The following HEXB variants were observed in gnomAD, a reference collection of about 807,000 sequenced individuals.
HEXB encodes the protein hexosaminidase subunit beta.
HEXB carries 51 observed loss-of-function variants against 71.2 expected under a neutral mutation model. The observed-to-expected ratio is 0.72, with a 90% confidence interval of 0.57 to 0.90. HEXB has a LOEUF of 0.90. Among genes scored for constraint, HEXB ranks in the 40% least tolerant of loss-of-function variants. The pLI, the probability that HEXB is intolerant of heterozygous loss-of-function variation, is 0.00. For synonymous variants in HEXB, 266 were observed against 249.3 expected (o/e 1.07, Z -0.63); for missense variants, 617 against 677.0 (o/e 0.91, Z 0.98).
At chr5:74,704,301 C>A (rs1164479757) in intron 5 of HEXB, among the ~76,000 whole-genome samples, 1 of 152,088 alleles carries the variant, frequency 6.6e-6, no homozygotes, top group African/African-American at 2.4e-5. Context: ...CAGCCAAATC[C>A]CTTCAGCCTT....
intron 2 of HEXB, 151 bp from the exon 3 acceptor site, chr5:74,693,488 A>G (rs1749046034): frequency 2.9e-6 from 2 of 701,676 alleles, no homozygotes; most frequent in Admixed American, 2.0e-5. Flanking sequence ...GGACATCCAA[A>G]TGGAGATGTA....
rs756957078 is a variant in HEXB at position 74,697,057 on chromosome 5, T to C, written c.620T>C (p.Ile207Thr). 1.5e-5 allele frequency: 24 copies of C among 1,574,928 alleles called. No homozygotes were observed. Among genetic ancestry groups the C allele is most frequent in the Non-Finnish European group, 2.1e-5 (24 of 1,145,080 alleles). ...SPRFSHRGIL[I>T]DTSRHYLPVK... ...AGGTTTTCTCACAGAGGAATTTTGA[T>C]TGATACATCCAGACATTATCTGCCA... is the stretch of plus-strand genomic sequence containing the variant. Residue 207 changes from isoleucine (I) to threonine (T), a missense_variant, in exon 5 of 14, where the codon ATT (isoleucine) becomes ACT (threonine). Ile to Thr is a moderately conservative substitution (Grantham distance 89, BLOSUM62 -1). Coordinates refer to ENST00000261416, the MANE Select transcript of HEXB (RefSeq NM_000521.4).
At chr5:74,670,933 A>G (rs1358261302) in intron 1 of HEXB, among the ~76,000 whole-genome samples, 6 of 152,140 alleles carry the variant, frequency 3.9e-5, no homozygotes, top group African/African-American at 1.4e-4. Flanking sequence ...CAGGATCTGT[A>G]CCAGAATGCA....
intron 1 of HEXB, among the ~76,000 whole-genome samples, chr5:74,644,649 G>A (rs1747967287): frequency 6.6e-6 from 1 of 151,580 alleles, no homozygotes; most frequent in Non-Finnish European, 1.5e-5. Flanking sequence ...GGTCTAAATC[G>A]ATAGTTTTCT....
chr5:74,705,182 T>A, intron 5 of HEXB, 37 bp from the exon 6 acceptor site: 1 of 1,114,190 alleles, frequency 9.0e-7, no homozygotes, highest in Non-Finnish European at 1.4e-6. Context: ...GTATATGATA[T>A]CTGCAGTAAA....
intron 2 of HEXB, among the ~76,000 whole-genome samples, chr5:74,690,545 G>C (rs888352493): frequency 6.6e-6 from 1 of 151,552 alleles, no homozygotes. Context: ...CCAGCTACTC[G>C]GGAGGCTGAG....
chr5:74,661,546 T>A lies in HEXB; in HGVS notation c.-377+20988T>A, dbSNP rs1439401300. Among the ~76,000 whole-genome samples, 7 of 149,114 alleles carry A rather than the reference T, an allele frequency of 4.7e-5. No individual in the cohort carries two copies. The East Asian group carries it at 1.4e-3, about 29-fold the overall frequency. ...GTGTGTGTGTGTGTGTGTGTGTGTGTGTGTGTGTGTGTGTGTGTCTCTCTC... is the reference window on the plus strand; with the variant it reads ...GTGTGTGTGTGTGTGTGTGTGTGTGAGTGTGTGTGTGTGTGTGTCTCTCTC... On this transcript the variant is annotated intron_variant, in intron 1 of 13. Coordinates refer to the HEXB transcript ENST00000511181.
At chr5:74,702,993 C>T (rs1749299311) in intron 5 of HEXB, among the ~76,000 whole-genome samples, 1 of 152,188 alleles carries the variant, frequency 6.6e-6, no homozygotes, top group Admixed American at 6.5e-5. Flanking sequence ...GCTCTTGTCG[C>T]CCAGGCTGGA....
chr5:74,702,670 G>T (rs1749291497), intron 5 of HEXB, among the ~76,000 whole-genome samples: 1 of 152,296 alleles, frequency 6.6e-6, no homozygotes, highest in African/African-American at 2.4e-5. Flanking sequence ...TAAGTATCTT[G>T]TGGGAAGAAA....
chr5:74,700,892 G>A (rs943550603), intron 5 of HEXB, among the ~76,000 whole-genome samples: 5 of 151,976 alleles, frequency 3.3e-5, no homozygotes, highest in Non-Finnish European at 7.4e-5. Context: ...ATTTTTAGTA[G>A]AGGCAGGGTT....
At position 74,720,511 on chromosome 5, in the gene HEXB, A is replaced by G; in HGVS notation, c.1501A>G (p.Arg501Gly). Residue 501 changes from arginine to glycine, a missense_variant, in exon 12 of 14, where the codon AGA (arginine) becomes GGA (glycine). By Grantham distance (125) the Arg-to-Gly change is moderately radical. Transcript: ENST00000261416. ...TGTGGATGCAACTAACCTCACTCCA[A>G]GATTATGGTATGGGATTTACCTGAT... is the stretch of plus-strand genomic sequence containing the variant. The part of the protein sequence containing the change: ...EYVDATNLTP[R>G]LWPRASAVGE... 6.2e-7 allele frequency: 1 copy of G among 1,610,786 alleles called. No individual in the cohort carries two copies. The highest frequency in any genetic ancestry group is 1.1e-5 in the South Asian group (1 of 91,022).
chr5:74,660,750 A>G (rs1197869066), intron 1 of HEXB, among the ~76,000 whole-genome samples: 2 of 152,234 alleles, frequency 1.3e-5, no homozygotes, highest in African/African-American at 4.8e-5. Flanking sequence ...TATTTTGATT[A>G]CCACTGGAAA....
chr5:74,672,695 C>T (rs1292633978), intron 1 of HEXB, among the ~76,000 whole-genome samples: 1 of 152,244 alleles, frequency 6.6e-6, no homozygotes, highest in African/African-American at 2.4e-5. Flanking sequence ...GCCATTTCTG[C>T]TTCCCTGAGA....
chr5:74,669,385 T>C (rs566169163), intron 1 of HEXB, among the ~76,000 whole-genome samples: 1 of 152,142 alleles, frequency 6.6e-6, no homozygotes, highest in East Asian at 1.9e-4. Context: ...TTGATAAATA[T>C]GCACTTTCAA....
intron 13 of HEXB, 22 bp downstream of exon 13, chr5:74,720,769 G>A (rs1439067502): frequency 6.4e-7 from 1 of 1,572,790 alleles, no homozygotes; most frequent in East Asian, 2.2e-5. Flanking sequence ...ATTAAGTCCA[G>A]TGTGATTTTT....
At chr5:74,695,096 A>ATTC (rs1749082362) in intron 3 of HEXB, among the ~76,000 whole-genome samples, 1 of 152,058 alleles carries the variant, frequency 6.6e-6, no homozygotes, top group Non-Finnish European at 1.5e-5. Flanking sequence ...AAATATCTAG[A>ATTC]TATTTACTAC....
intron 6 of HEXB, among the ~76,000 whole-genome samples, chr5:74,710,680 C>T (rs868107298): frequency 2.6e-5 from 4 of 152,120 alleles, no homozygotes; most frequent in South Asian, 2.1e-4. Flanking sequence ...AACTCCCATT[C>T]ACAATTGCTT....
chr5:74,711,015 C>A (rs1242604516), intron 6 of HEXB, among the ~76,000 whole-genome samples: 1 of 150,342 alleles, frequency 6.7e-6, no homozygotes, highest in Non-Finnish European at 1.5e-5. Context: ...GGAGGCATCA[C>A]GCTACCTGAC....
At chr5:74,719,304 T>C (rs1388305906) in intron 11 of HEXB, among the ~76,000 whole-genome samples, 1 of 152,170 alleles carries the variant, frequency 6.6e-6, no homozygotes, top group African/African-American at 2.4e-5. Context: ...GCATTAACCT[T>C]ACATGCCCTC....
Sources: gnomAD v4.1 joint callset for allele counts (sites outside exome capture counted in the v4.1 genomes callset) on GRCh38, gnomAD v4.1.1 for gene constraint, MANE v1.5 for transcripts, NCBI Gene and HGNC (gene_info 2026-07-23, HGNC 2026-07-21) for gene names.